The following PLK3 variants were observed in gnomAD, a reference collection of about 807,000 sequenced individuals.
PLK3 encodes the protein serine/threonine-protein kinase PLK3.
PLK3 carries 41 observed loss-of-function variants against 71.6 expected under a neutral mutation model. The ratio of observed to expected loss-of-function variants is 0.57; its 90% CI spans 0.45 to 0.74. The LOEUF (loss-of-function observed/expected upper bound fraction) is 0.74, where lower values mean the gene tolerates loss of function less well. PLK3 is among the 30% of genes least tolerant of loss of function. The pLI, the probability that PLK3 is intolerant of heterozygous loss-of-function variation, is 0.00. For missense variants in PLK3, 791 were observed against 875.6 expected, an observed-to-expected ratio of 0.90 and a Z score of 1.22; for synonymous variants, 366 against 355.4, an observed-to-expected ratio of 1.03 and a Z score of -0.33.
In PLK3 at chr1:44,803,852, C is replaced by T; in HGVS notation, c.1165-79C>T. 8.1e-7 allele frequency: 1 copy of T among 1,228,774 alleles called. No individual in the cohort carries two copies. The highest frequency in any genetic ancestry group is 1.2e-6 in the Non-Finnish European group (1 of 858,782). 76.1% of individuals were successfully genotyped at this position (1,228,774 alleles called of 1,614,324 possible). ...GGCTGACCTGGGGTGCCCTGGGAGCCAGGGCAGGGCCAGGCCATGGACTCA... is the reference window on the plus strand; with the variant it reads ...GGCTGACCTGGGGTGCCCTGGGAGCTAGGGCAGGGCCAGGCCATGGACTCA... On this transcript the variant is annotated intron_variant, in intron 9 of 14. Transcript: ENST00000372201. The surrounding 1 kb of genome is among the most constrained non-coding windows in gnomAD (Gnocchi z 4.3).
Position 44,803,781 on chromosome 1 carries a change from C to A in PLK3, c.1164+90C>A, listed in dbSNP as rs1651918549. ...GGGATAAAAGAGGCTGCTGAAGCAT[C>A]CAGCCTCGTGGTGGCCTAATTGGCT... is the stretch of plus-strand genomic sequence containing the variant. On this transcript the variant is annotated intron_variant, in intron 9 of 14. Coordinates refer to ENST00000372201, the MANE Select transcript of PLK3 (RefSeq NM_004073.4). The surrounding 1 kb of genome is among the most constrained non-coding windows in gnomAD (Gnocchi z 4.3). The A allele has an allele frequency of 1.7e-6, 2 of 1,198,424 alleles. No individual in the cohort carries two copies. Among genetic ancestry groups the A allele is most frequent in the Admixed American group, 2.0e-5 (1 of 50,626 alleles). The allele number at this position is 1,198,424 out of a possible 1,614,324, so 74.2% of individuals were successfully genotyped here.
rs1651792240 is a variant in PLK3 at position 44,800,552 on chromosome 1, C to T, written c.89C>T (p.Pro30Leu). 9 of 1,497,998 alleles carry T rather than the reference C, an allele frequency of 6.0e-6. No homozygotes were observed. The highest frequency in any genetic ancestry group is 2.8e-5 in the East Asian group (1 of 35,362). The allele number at this position is 1,497,998 out of a possible 1,614,324, so 92.8% of individuals were successfully genotyped here. A position where few individuals can be genotyped will look rare whatever the true frequency, so the allele number is the denominator to read the frequency against. The change falls in exon 1 of 15, where the codon CCG becomes CTG. Residue 30 changes from proline (P) to leucine (L), a missense_variant. Pro to Leu is a moderately conservative substitution (Grantham distance 98). Coordinates refer to ENST00000372201, the MANE Select transcript of PLK3 (RefSeq NM_004073.4). This position sits in a 1 kb window ranked among gnomAD's most constrained non-coding sequence, Gnocchi z 6.5. ...CCCCCGGCCGGGCCCGGGCCGCCTC[C>T]GAGTGCCTTGCGCGGACCTGAGCTG... ...PAPPAGPGPP[P>L]SALRGPELEM...
chr1:44,805,198 A>C (rs1651983609), intron 13 of PLK3, 68 bp from the exon 14 acceptor site: 1 of 994,848 alleles, frequency 1.0e-6, no homozygotes, highest in African/African-American at 1.6e-5. Context: ...CTAGAGGATA[A>C]GGCATACACT....
Position 44,803,528 on chromosome 1 carries a change from C to G in PLK3, c.1073-72C>G. ...AGTACAGGCACTTGGGGAGGCCAAT[C>G]TCTGTGTCATCCCTGTCGGAAGTGG... On this transcript the variant is annotated intron_variant, in intron 8 of 14. Transcript: ENST00000372201. This position sits in a 1 kb window ranked among gnomAD's most constrained non-coding sequence, Gnocchi z 4.3. The G allele has an allele frequency of 6.4e-7, 1 of 1,570,394 alleles. No homozygotes were observed.
chr1:44,800,495 GC>G lies in PLK3; in HGVS notation c.36del (p.Phe13SerfsTer96). On this transcript the variant is annotated frameshift_variant, in exon 1 of 15. Transcript: ENST00000372201. LOFTEE classifies it high-confidence loss of function. The surrounding 1 kb of genome is among the most constrained non-coding windows in gnomAD (Gnocchi z 6.5). ...CCTGCCGCCGGTTTCCTGTCTCCGC[GC>G]CCCTTCCAGCGTGCGGCCGCCGCGC... is the stretch of plus-strand genomic sequence containing the variant. MEPAAGFLSP[R>X]PFQRAAAAPA... The G allele has an allele frequency of 6.9e-7, 1 of 1,445,576 alleles. No homozygotes were observed. 89.5% of individuals were successfully genotyped at this position (1,445,576 alleles called of 1,614,324 possible).
At position 44,803,955 on chromosome 1, in the gene PLK3, C is replaced by T. The variant is rs774140607; in HGVS notation, c.1189C>T (p.Pro397Ser). The change falls in exon 10 of 15, where the codon CCT becomes TCT. Residue 397 changes from proline (P) to serine (S), a missense_variant. Pro to Ser is a moderately conservative substitution (Grantham distance 74, BLOSUM62 -1). Transcript: ENST00000372201. The surrounding 1 kb of genome is among the most constrained non-coding windows in gnomAD (Gnocchi z 4.3). ...PEAPAASGPA[P>S]VSLVETAPED... ...GGCTCCAGCAGCTTCTGGCCCAGCC[C>T]CTGTCAGCCTGGTAGAGACAGCACC... 2 of 1,551,660 alleles carry T rather than the reference C, an allele frequency of 1.3e-6. No individual in the cohort carries two copies. The highest frequency in any genetic ancestry group is 1.4e-5 in the African/African-American group (1 of 73,076).
Position 44,802,902 on chromosome 1 carries a change from T to G in PLK3, c.749+47T>G, listed in dbSNP as rs1573612038. On this transcript the variant is annotated intron_variant, in intron 6 of 14. Transcript: ENST00000372201. ...CAGCAGCAGACAGGTGGTGGGTGTG[T>G]GGGTGGAGCATCTCCTCCACTTTAC... 15 of 1,599,056 alleles carry G rather than the reference T, an allele frequency of 9.4e-6. No homozygotes were observed. In the East Asian group the frequency reaches 3.3e-4, roughly 36 times the overall value.
At position 44,804,687 on chromosome 1, in the gene PLK3, T is replaced by A. The variant is rs1246632664; in HGVS notation, c.1543T>A (p.Ser515Thr). 4 of 1,613,972 alleles carry A rather than the reference T, an allele frequency of 2.5e-6. No homozygotes were observed. Among genetic ancestry groups the A allele is most frequent in the Non-Finnish European group, 2.5e-6 (3 of 1,179,980 alleles). Residue 515 changes from serine (S) to threonine (T), a missense_variant, in exon 13 of 15, where the codon TCC (serine) becomes ACC (threonine). By Grantham distance (58) the Ser-to-Thr change is moderately conservative. Coordinates refer to ENST00000372201, the MANE Select transcript of PLK3 (RefSeq NM_004073.4). ...HYNPTSTKHF[S>T]FSVGAVPRAL... The stretch of plus-strand genomic sequence containing the variant: ...CAATCCCACCAGCACAAAGCACTTC[T>A]CCTTCTCCGTGGGTGCTGTGCCCCG...
At position 44,804,476 on chromosome 1, in the gene PLK3, CAT is replaced by C. The variant is rs1314424327; in HGVS notation, c.1483_1484del (p.Met495GlyfsTer83). 3 of 1,614,178 alleles carry C rather than the reference CAT, an allele frequency of 1.9e-6. No individual in the cohort carries two copies. The highest frequency in any genetic ancestry group is 2.5e-6 in the Non-Finnish European group (3 of 1,180,000). ...GGCTGTGCTCTTCAACGATGGCACA[CAT>C]ATGGCCCTGTCGGCCAACAGAAAGT... ...RVAVLFNDGTHMALSANRKTV... is the reference protein window; with the variant it reads ...RVAVLFNDGTXMALSANRKTV... On this transcript the variant is annotated frameshift_variant, in exon 12 of 15. Coordinates refer to ENST00000372201, the MANE Select transcript of PLK3 (RefSeq NM_004073.4). LOFTEE classifies it high-confidence loss of function.
In PLK3 at chr1:44,803,342, G is replaced by T; in HGVS notation, c.1023G>T (p.Arg341Ser). 1 of 1,614,120 alleles carries T rather than the reference G, an allele frequency of 6.2e-7. No homozygotes were observed. Among genetic ancestry groups the T allele is most frequent in the Non-Finnish European group, 8.5e-7 (1 of 1,180,024 alleles). The change falls in exon 8 of 15, where the codon AGG becomes AGT. Residue 341 changes from arginine (R) to serine (S), a missense_variant. Physicochemically the swap from Arg to Ser is moderately radical, Grantham distance 110 (BLOSUM62 -1). Transcript: ENST00000372201. This position sits in a 1 kb window ranked among gnomAD's most constrained non-coding sequence, Gnocchi z 4.3. ...ACCTGACACCCCCCAACCCAGCTAG[G>T]AGTCTGTTTGCCAAAGTTACCAAGA... is the stretch of plus-strand genomic sequence containing the variant. ...VPDLTPPNPA[R>S]SLFAKVTKSL...
In PLK3 at chr1:44,805,627, G is replaced by A. The variant is rs745776682; in HGVS notation, c.1890G>A (p.Arg630=). Residue 630 remains arginine (R), a synonymous_variant, in exon 15 of 15, where the codon CGG becomes CGA. Coordinates refer to ENST00000372201, the MANE Select transcript of PLK3 (RefSeq NM_004073.4). ...AGCTGGGCTGCTCTCCAGACCTGCGGCAGCGACTCCGCTATGCTCTGCGCC... is the reference window on the plus strand; with the variant it reads ...AGCTGGGCTGCTCTCCAGACCTGCGACAGCGACTCCGCTATGCTCTGCGCC... ...LRQLGCSPDL[R]QRLRYALRLL... 3.1e-6 allele frequency: 5 copies of A among 1,614,058 alleles called. No homozygotes were observed. The highest frequency in any genetic ancestry group is 4.2e-6 in the Non-Finnish European group (5 of 1,180,010).
rs1487582754 is a variant in PLK3 at position 44,800,532 on chromosome 1, G to A, written c.69G>A (p.Pro23=). The change falls in exon 1 of 15, where the codon CCG becomes CCA. Residue 23 remains proline (P), a synonymous_variant. Coordinates refer to ENST00000372201, the MANE Select transcript of PLK3 (RefSeq NM_004073.4). The surrounding 1 kb of genome is among the most constrained non-coding windows in gnomAD (Gnocchi z 6.5). ...GTGCGGCCGCCGCGCCCGCTCCCCCGGCCGGGCCCGGGCCGCCTCCGAGTG... is the reference window on the plus strand; with the variant it reads ...GTGCGGCCGCCGCGCCCGCTCCCCCAGCCGGGCCCGGGCCGCCTCCGAGTG... ...FQRAAAAPAP[P]AGPGPPPSAL... is the part of the protein sequence containing the mutation. 1 of 1,465,058 alleles carries A rather than the reference G, an allele frequency of 6.8e-7. No individual in the cohort carries two copies. Among genetic ancestry groups the A allele is most frequent in the Non-Finnish European group, 9.0e-7 (1 of 1,116,116 alleles). 90.8% of individuals were successfully genotyped at this position (1,465,058 alleles called of 1,614,324 possible).
Position 44,805,809 on chromosome 1 carries a change from A to T in PLK3, c.*131A>T. 6 of 1,296,010 alleles carry T rather than the reference A, an allele frequency of 4.6e-6. No homozygotes were observed. Among genetic ancestry groups the T allele is most frequent in the Non-Finnish European group, 6.3e-6 (6 of 959,998 alleles). 80.3% of individuals were successfully genotyped at this position (1,296,010 alleles called of 1,614,324 possible). A position where few individuals can be genotyped will look rare whatever the true frequency, so the allele number is the denominator to read the frequency against. ...CCCCAGGGAATCAGGGACCAGCTTT[A>T]CTGGAGTTGGGGGCGGCTTGTCTTC... On this transcript the variant is annotated 3_prime_UTR_variant, in exon 15 of 15. Transcript: ENST00000372201.
chr1:44,800,741 C>A lies in PLK3; in HGVS notation c.210+68C>A, dbSNP rs1452468741. On this transcript the variant is annotated intron_variant, in intron 1 of 14. Coordinates refer to ENST00000372201, the MANE Select transcript of PLK3 (RefSeq NM_004073.4). The surrounding 1 kb of genome is among the most constrained non-coding windows in gnomAD (Gnocchi z 6.5). ...GGGTCCCGGCCGGCCTCTTTTCTGG[C>A]GCCGAGCAGGGCGTGGGCACTTGAC... The A allele has an allele frequency of 3.3e-6, 5 of 1,533,836 alleles. No individual in the cohort carries two copies. Among genetic ancestry groups the A allele is most frequent in the East Asian group, 2.4e-5 (1 of 41,304 alleles).
chr1:44,804,962 G>A (rs574368328), intron 13 of PLK3, 183 bp downstream of exon 13: 214 of 622,140 alleles, frequency 3.4e-4, no homozygotes, highest in Non-Finnish European at 1.6e-4. Context: ...CAAATTAGCC[G>A]GGCGTGGTGG....
In PLK3 at chr1:44,802,878, A is replaced by G. The variant is rs781757661; in HGVS notation, c.749+23A>G. ...CATGTGAGTTGCAGGGTCCAGGTTC[A>G]GCAGCAGACAGGTGGTGGGTGTGTG... On this transcript the variant is annotated intron_variant, in intron 6 of 14. Coordinates refer to ENST00000372201, the MANE Select transcript of PLK3 (RefSeq NM_004073.4). 4.3e-6 allele frequency: 7 copies of G among 1,609,386 alleles called. No homozygotes were observed. In the African/African-American group the frequency reaches 9.4e-5, roughly 22 times the overall value.
In PLK3 at chr1:44,804,458, CTCT is replaced by C; in HGVS notation, c.1465_1467del (p.Phe489del). The C allele has an allele frequency of 6.2e-7, 1 of 1,614,208 alleles. No homozygotes were observed. Among genetic ancestry groups the C allele is most frequent in the Non-Finnish European group, 8.5e-7 (1 of 1,180,006 alleles). On this transcript the variant is annotated inframe_deletion, in exon 12 of 15. Transcript: ENST00000372201. ...ACTGTCCAGCCGCCGTGTGGCTGTG[CTCT>C]TCAACGATGGCACACATATGGCCCT...
rs1451304065 is a variant in PLK3, at chr1:44,801,690, G to C, written c.504G>C (p.Gln168His). 6.2e-7 allele frequency: 1 copy of C among 1,610,938 alleles called. No homozygotes were observed. Among genetic ancestry groups the C allele is most frequent in the Non-Finnish European group, 8.5e-7 (1 of 1,178,620 alleles). Residue 168 changes from glutamine to histidine, a missense_variant, in exon 4 of 15, where the codon CAG (glutamine) becomes CAC (histidine). Gln to His is a conservative substitution (Grantham distance 24). Coordinates refer to ENST00000372201, the MANE Select transcript of PLK3 (RefSeq NM_004073.4). ...LEPEVRYYLR[Q>H]ILSGLKYLHQ... ...CAGAAGTGCGCTACTACCTGCGGCA[G>C]ATCCTTTCTGGCCTCAAGTACTTGC... is the stretch of plus-strand genomic sequence containing the variant.
chr1:44,805,056 A>C (rs939034243), intron 13 of PLK3: 4 of 584,364 alleles, frequency 6.8e-6, no homozygotes, highest in African/African-American at 1.9e-5. Flanking sequence ...GTGAGCAGAG[A>C]TGGCGCACCA....
Sources: gnomAD v4.1 joint callset for allele counts on GRCh38, gnomAD v4.1.1 for gene constraint, Gnocchi (gnomAD v3.1) non-coding constraint, MANE v1.5 for transcripts, NCBI Gene and HGNC (gene_info 2026-07-23, HGNC 2026-07-21) for gene names.